The following RDH13 variants were observed in gnomAD, a reference collection of about 807,000 sequenced individuals.
The protein encoded by RDH13 is retinol dehydrogenase 13 (all-trans and 9-cis).
Under a neutral mutation model 28.3 loss-of-function variants are expected in RDH13, and 35 were observed. The ratio of observed to expected loss-of-function variants is 1.24; its 90% CI spans 0.95 to 1.64. The LOEUF is 1.64. Ranked by LOEUF, RDH13 falls within the 40% of genes most tolerant of loss-of-function variation. RDH13 has a pLI of 0.00. For missense variants in RDH13, 514 were observed against 446.3 expected, an observed-to-expected ratio of 1.15 and a Z score of -1.37; for synonymous variants, 229 against 198.5, an observed-to-expected ratio of 1.15 and a Z score of -1.29.
At chr19:55,062,219 G>A (rs1218628734) in intron 1 of RDH13, among the ~76,000 whole-genome samples, 2 of 79,898 alleles carry the variant, frequency 2.5e-5, no homozygotes, top group African/African-American at 4.5e-5. Context: ...ACCCCTCTAC[G>A]GAGTCACGAC....
intron 2 of RDH13, 27 bp downstream of exon 2, chr19:55,059,130 T>G: frequency 2.8e-6 from 4 of 1,440,564 alleles, no homozygotes; most frequent in Non-Finnish European, 2.9e-6. Context: ...GATATCTCTC[T>G]GAGAGCCAAA....
chr19:55,067,548 C>T (rs758767729), upstream of RDH13: 10 of 152,172 alleles, frequency 6.6e-5, no homozygotes, highest in Non-Finnish European at 1.5e-4. Flanking sequence ...AGGCGGGAGC[C>T]ATCAGTAAAA....
rs201964397 is a variant in RDH13, at chr19:55,045,043, G to C, written c.*31C>G. ...GGACAGCTGTCCTCGGTCTGGAGGC[G>C]CCATCCTGGCTTTCAAATCTGCTCC... On this transcript the variant is annotated 3_prime_UTR_variant, in exon 7 of 7. Coordinates refer to ENST00000415061, the MANE Select transcript of RDH13 (RefSeq NM_001145971.2). 6.7e-7 allele frequency: 1 copy of C among 1,493,492 alleles called. No homozygotes were observed. The highest frequency in any genetic ancestry group is 2.3e-5 in the East Asian group (1 of 43,824). The allele number at this position is 1,493,492 out of a possible 1,614,324, so 92.5% of individuals were successfully genotyped here.
At chr19:55,041,901 G>A (rs2075041440), downstream of RDH13, 1 of 152,260 alleles carries the variant, frequency 6.6e-6, no homozygotes, top group African/African-American at 2.4e-5. Context: ...TGACTAGGAA[G>A]CCAGAAAGAC....
At position 55,048,551 on chromosome 19, in the gene RDH13, G is replaced by C. The variant is rs2078471075; in HGVS notation, c.446-10C>G. ...GTCAAGAGAAAGTGACCTGGATTAAGGATGATGAAAAGGTCACTTTTGACT... is the reference window on the plus strand; with the variant it reads ...GTCAAGAGAAAGTGACCTGGATTAACGATGATGAAAAGGTCACTTTTGACT... On this transcript the variant is annotated splice_polypyrimidine_tract_variant and intron_variant, in intron 4 of 6. Coordinates refer to ENST00000415061, the MANE Select transcript of RDH13 (RefSeq NM_001145971.2). 1 of 1,613,682 alleles carries C rather than the reference G, an allele frequency of 6.2e-7. No homozygotes were observed. The highest frequency in any genetic ancestry group is 1.3e-5 in the African/African-American group (1 of 74,910).
At chr19:55,039,212 G>A (rs1808199702) in exon 3 of RDH13, 1 of 152,174 alleles carries the variant, frequency 6.6e-6, no homozygotes, top group Non-Finnish European at 1.5e-5. Context: ...ATACACACAA[G>A]GTAATATCAA....
upstream of RDH13, among the ~76,000 whole-genome samples, chr19:55,065,452 C>A (rs57387991): frequency 0.15 from 22,019 of 151,358 alleles, 1,883 homozygotes; most frequent in South Asian, 0.24. Context: ...ATTTTCTCAA[C>A]CTTGAAAAAA....
At chr19:55,052,945 A>AGCTACCAC in intron 3 of RDH13, among the ~76,000 whole-genome samples, 1 of 151,232 alleles carries the variant, frequency 6.6e-6, no homozygotes, top group East Asian at 2.0e-4. Context: ...TACAGGCGTG[A>AGCTACCAC]GCCTGCACGC....
downstream of RDH13, chr19:55,043,241 T>C (rs1455298844): frequency 6.6e-6 from 1 of 152,240 alleles, no homozygotes; most frequent in African/African-American, 2.4e-5. Flanking sequence ...TGTTGCCACC[T>C]CTACAAATAA....
chr19:55,040,193 C>CT (rs1207456098), downstream of RDH13: 2 of 152,360 alleles, frequency 1.3e-5, no homozygotes, highest in Non-Finnish European at 2.9e-5. Flanking sequence ...GAGTCTCACT[C>CT]TGTCGCCGAG....
chr19:55,067,319 G>A (rs566411400), upstream of RDH13: 2 of 152,360 alleles, frequency 1.3e-5, no homozygotes, highest in African/African-American at 4.8e-5. Flanking sequence ...AGGGGCAGAA[G>A]GTCCCCGTGT....
chr19:55,044,828 G>T lies in RDH13; in HGVS notation c.*246C>A. 2 of 466,320 alleles carry T rather than the reference G, an allele frequency of 4.3e-6. No homozygotes were observed. 28.9% of individuals were successfully genotyped at this position (466,320 alleles called of 1,614,324 possible). A position where few individuals can be genotyped will look rare whatever the true frequency, so the allele number is the denominator to read the frequency against. On this transcript the variant is annotated 3_prime_UTR_variant, in exon 7 of 7. Coordinates refer to ENST00000415061, the MANE Select transcript of RDH13 (RefSeq NM_001145971.2). ...GGCCATTCCCAGTTTAGATTCCCAGGGGAAGCATCAGATGGCCCCTCTCCC... is the reference window on the plus strand; with the variant it reads ...GGCCATTCCCAGTTTAGATTCCCAGTGGAAGCATCAGATGGCCCCTCTCCC...
intron 3 of RDH13, among the ~76,000 whole-genome samples, 169 bp downstream of exon 3, chr19:55,056,484 A>ATAAT (rs2075637740): frequency 6.6e-6 from 1 of 150,520 alleles, no homozygotes; most frequent in Non-Finnish European, 1.5e-5. Flanking sequence ...AAATAAATAA[A>ATAAT]GTCGTTGCTT....
At chr19:55,060,335 G>A (rs986559983) in intron 1 of RDH13, among the ~76,000 whole-genome samples, 15 of 151,452 alleles carry the variant, frequency 9.9e-5, no homozygotes, top group East Asian at 1.9e-4. Context: ...TCTTTACTCC[G>A]CTGAGATGTT....
At chr19:55,064,733 C>CT (rs2075918663), upstream of RDH13, among the ~76,000 whole-genome samples, 1 of 150,352 alleles carries the variant, frequency 6.7e-6, no homozygotes, top group Non-Finnish European at 1.5e-5. Flanking sequence ...CTGCCTCAGC[C>CT]TCCCGAGTAG....
At chr19:55,050,886 C>CA (rs1210072808) in intron 3 of RDH13, 1 of 151,840 alleles carries the variant, frequency 6.6e-6, no homozygotes, top group Non-Finnish European at 1.5e-5. Context: ...GGTTGCAGCA[C>CA]ACCCGTCATG....
intron 4 of RDH13, 45 bp downstream of exon 4, chr19:55,048,614 G>A (rs1008999876): frequency 1.9e-6 from 3 of 1,610,066 alleles, no homozygotes; most frequent in Middle Eastern, 1.7e-4. Flanking sequence ...GGACGACGGG[G>A]GAGGATCGCT....
intron 1 of RDH13, among the ~76,000 whole-genome samples, chr19:55,062,507 C>T (rs1266139344): frequency 6.6e-6 from 1 of 152,096 alleles, no homozygotes; most frequent in East Asian, 1.9e-4. Flanking sequence ...CATGGCAAAA[C>T]CCCGTCTCTG....
chr19:55,061,372 G>A (rs1286193032), intron 1 of RDH13, among the ~76,000 whole-genome samples: 3 of 151,808 alleles, frequency 2.0e-5, no homozygotes, highest in Non-Finnish European at 2.9e-5. Flanking sequence ...CTTGTGATCC[G>A]CCTGCCTTGG....
Sources: allele counts gnomAD v4.1 joint callset (sites outside exome capture counted in the v4.1 genomes callset), GRCh38; gene constraint gnomAD v4.1.1; transcripts MANE v1.5; gene names NCBI Gene and HGNC (gene_info 2026-07-23, HGNC 2026-07-21).